The following KCNMA1 variants were observed in gnomAD, a reference collection of about 807,000 sequenced individuals.
The protein encoded by KCNMA1 is potassium calcium-activated channel subfamily M alpha 1.
In KCNMA1, 29 loss-of-function variants were observed where a neutral mutation model predicts 140.0. That is an observed-to-expected ratio of 0.21 (90% confidence interval 0.15 to 0.28). The LOEUF (loss-of-function observed/expected upper bound fraction) is 0.28, where lower values mean the gene tolerates loss of function less well. Ranked by LOEUF, KCNMA1 falls within the 10% of genes least tolerant of loss-of-function variation. KCNMA1 has a pLI of 1.00. For synonymous variants in KCNMA1, 612 were observed against 611.9 expected, an observed-to-expected ratio of 1.00 and a Z score of 0.00; for missense variants, 880 against 1,602.2, an observed-to-expected ratio of 0.55 and a Z score of 7.70.
At chr10:77,310,613 T>C (rs2079015302) in intron 2 of KCNMA1, among the ~76,000 whole-genome samples, 1 of 152,236 alleles carries the variant, frequency 6.6e-6, no homozygotes, top group Non-Finnish European at 1.5e-5. Context: ...CCCAGCTGCC[T>C]CTGAGCAGCC....
chr10:77,520,300 G>A (rs1270313401), intron 1 of KCNMA1, among the ~76,000 whole-genome samples: 6 of 151,004 alleles, frequency 4.0e-5, no homozygotes, highest in African/African-American at 1.2e-4. Flanking sequence ...TATGCAGTGT[G>A]AGGGTGTGCA....
intron 26 of KCNMA1, among the ~76,000 whole-genome samples, chr10:76,890,226 T>C (rs1280906782): frequency 2.0e-5 from 3 of 152,216 alleles, no homozygotes; most frequent in East Asian, 1.9e-4. Flanking sequence ...TGGGGCCTGA[T>C]GCAGAAAGTG....
At chr10:76,996,723 C>T (rs920287121) in intron 19 of KCNMA1, among the ~76,000 whole-genome samples, 3 of 152,084 alleles carry the variant, frequency 2.0e-5, no homozygotes, top group African/African-American at 4.8e-5. Flanking sequence ...ATGATCACAT[C>T]GATTCGTGCT....
chr10:77,191,352 T>C (rs1431200264), intron 3 of KCNMA1, among the ~76,000 whole-genome samples: 2 of 152,194 alleles, frequency 1.3e-5, no homozygotes, highest in Non-Finnish European at 2.9e-5. Flanking sequence ...AAAGCAATAA[T>C]ATTTATATAG....
At chr10:76,871,929 C>T (rs939585944) in exon 28 of KCNMA1, 1 of 152,120 alleles carries the variant, frequency 6.6e-6, no homozygotes. Flanking sequence ...ATGGCAGAAC[C>T]CATATTGTGC....
intron 1 of KCNMA1, among the ~76,000 whole-genome samples, chr10:77,621,021 A>G (rs2091197021): frequency 6.6e-6 from 1 of 152,174 alleles, no homozygotes; most frequent in Non-Finnish European, 1.5e-5. Flanking sequence ...GCTAATAAAG[A>G]TTTGCTAACT....
intron 25 of KCNMA1, among the ~76,000 whole-genome samples, chr10:76,909,259 AT>A (rs1352157036): frequency 2.0e-5 from 3 of 152,068 alleles, no homozygotes; most frequent in Non-Finnish European, 2.9e-5. Flanking sequence ...ACTGAGCTCC[AT>A]CCACCTCCCT....
At chr10:77,394,978 T>C (rs2095989120) in intron 2 of KCNMA1, among the ~76,000 whole-genome samples, 1 of 152,220 alleles carries the variant, frequency 6.6e-6, no homozygotes, top group Admixed American at 6.5e-5. Flanking sequence ...AATGCAACTT[T>C]GTTTATGGAC....
intron 1 of KCNMA1, among the ~76,000 whole-genome samples, chr10:77,539,093 GA>G (rs1362842456): frequency 1.3e-5 from 2 of 152,068 alleles, no homozygotes; most frequent in African/African-American, 2.4e-5. Context: ...TGGAGACTCT[GA>G]GACTTACACC....
intron 18 of KCNMA1, among the ~76,000 whole-genome samples, chr10:77,004,915 T>A (rs2087880554): frequency 6.6e-6 from 1 of 152,156 alleles, no homozygotes; most frequent in Admixed American, 6.5e-5. Context: ...CAAGGTTAGG[T>A]CTCAAAGTGC....
intron 5 of KCNMA1, 109 bp downstream of exon 5, chr10:77,183,312 A>G: frequency 1.3e-6 from 1 of 774,970 alleles, no homozygotes. Context: ...GTTCACATTA[A>G]TACATACAAC....
At position 77,584,754 on chromosome 10, in the gene KCNMA1, G is replaced by A. The variant is rs886942667; in HGVS notation, c.378+52511C>T. Among the ~76,000 whole-genome samples the A allele has an allele frequency of 2.0e-5, 3 of 152,206 alleles. No individual in the cohort carries two copies. The East Asian group carries it at 5.8e-4, about 29-fold the overall frequency. On this transcript the variant is annotated intron_variant, in intron 1 of 27. Coordinates refer to ENST00000286628, the MANE Select transcript of KCNMA1 (RefSeq NM_001161352.2). ...CTGTCTCTGACAGAGACACTCAAGAGTGAGCTGGGAGAAGGCCTGGCTGTC... is the reference window on the plus strand; with the variant it reads ...CTGTCTCTGACAGAGACACTCAAGAATGAGCTGGGAGAAGGCCTGGCTGTC...
intron 3 of KCNMA1, among the ~76,000 whole-genome samples, chr10:77,231,546 T>C (rs1461566109): frequency 6.6e-6 from 1 of 152,200 alleles, no homozygotes; most frequent in African/African-American, 2.4e-5. Context: ...TTTCTGCAGA[T>C]TGTAACTGAA....
chr10:77,082,273 C>A (rs2096598932), intron 12 of KCNMA1, among the ~76,000 whole-genome samples: 1 of 151,952 alleles, frequency 6.6e-6, no homozygotes. Context: ...GTGATCTGCC[C>A]ACCTTGGCCT....
intron 1 of KCNMA1, among the ~76,000 whole-genome samples, chr10:77,435,572 T>C (rs1482377111): frequency 1.3e-5 from 2 of 152,224 alleles, no homozygotes; most frequent in African/African-American, 2.4e-5. Context: ...CTCAGGGTCC[T>C]GTCCATATAT....
At chr10:76,991,462 T>A (rs2082746209) in intron 19 of KCNMA1, among the ~76,000 whole-genome samples, 1 of 152,244 alleles carries the variant, frequency 6.6e-6, no homozygotes, top group South Asian at 2.1e-4. Context: ...TCTTTCTTAC[T>A]ACATTTTTCC....
chr10:76,912,320 C>G (rs2050679065), intron 24 of KCNMA1: 1 of 152,188 alleles, frequency 6.6e-6, no homozygotes, highest in Admixed American at 6.5e-5. Context: ...TGAGAGTCTC[C>G]AAGTAGATGA....
chr10:77,109,938 G>A lies in KCNMA1; in HGVS notation c.1131+235C>T, dbSNP rs1284706021. Reference sequence around the variant, plus strand: ...TCTTAAGACAATTAGGTTTGCTCCTGGCTAAATGGCTGTCCCCGACAAGGG... The same window carrying A: ...TCTTAAGACAATTAGGTTTGCTCCTAGCTAAATGGCTGTCCCCGACAAGGG... On this transcript the variant is annotated intron_variant, in intron 8 of 27. Coordinates refer to ENST00000286628, the MANE Select transcript of KCNMA1 (RefSeq NM_001161352.2). Among the ~76,000 whole-genome samples, 3 of 152,120 alleles carry A rather than the reference G, an allele frequency of 2.0e-5. No individual in the cohort carries two copies. The East Asian group carries it at 5.8e-4, about 29-fold the overall frequency.
chr10:77,351,084 G>A (rs1239148701), intron 2 of KCNMA1, among the ~76,000 whole-genome samples: 1 of 152,140 alleles, frequency 6.6e-6, no homozygotes, highest in Non-Finnish European at 1.5e-5. Flanking sequence ...ATGCTTTCAG[G>A]GGACTTTATC....
Sources: gnomAD v4.1 joint callset for allele counts (sites outside exome capture counted in the v4.1 genomes callset) on GRCh38, gnomAD v4.1.1 for gene constraint, MANE v1.5 for transcripts, NCBI Gene and HGNC (gene_info 2026-07-23, HGNC 2026-07-21) for gene names.